Variants in NRG1 observed in about 807,000 individuals in gnomAD.
NRG1 encodes pro-neuregulin-1, membrane-bound isoform.
NRG1 carries 18 observed loss-of-function variants against 63.8 expected under a neutral mutation model. The ratio of observed to expected loss-of-function variants is 0.28; its 90% confidence interval spans 0.19 to 0.42. The LOEUF is 0.42. NRG1 is among the 10% of genes least tolerant of loss of function. NRG1 has a pLI of 1.00. For missense variants in NRG1, 762 were observed against 814.7 expected (o/e 0.94, Z 0.79); for synonymous variants, 302 against 301.3 (o/e 1.00, Z -0.02).
chr8:32,374,170 G>A (rs762826672), intron 1 of NRG1, among the ~76,000 whole-genome samples: 6 of 152,172 alleles, frequency 3.9e-5, no homozygotes, highest in South Asian at 2.1e-4. Context: ...GGAATTGAAC[G>A]GGCTTATTTC....
chr8:32,022,429 G>A (rs1273561816), intron 1 of NRG1, among the ~76,000 whole-genome samples: 1 of 152,062 alleles, frequency 6.6e-6, no homozygotes, highest in Non-Finnish European at 1.5e-5. Context: ...TATTTTACAT[G>A]AGCCACACAT....
intron 1 of NRG1, among the ~76,000 whole-genome samples, chr8:32,048,544 C>T (rs1409316110): frequency 2.0e-5 from 3 of 149,522 alleles, no homozygotes; most frequent in African/African-American, 4.9e-5. Context: ...GAAACCTTCA[C>T]GCTGTTTTCC....
At chr8:32,513,129 T>C (rs374657772) in intron 1 of NRG1, among the ~76,000 whole-genome samples, 1 of 152,184 alleles carries the variant, frequency 6.6e-6, no homozygotes, top group African/African-American at 2.4e-5. Context: ...CATAATAGTT[T>C]ATTTTAGGTA....
At chr8:31,908,598 A>G (rs1832707287) in intron 1 of NRG1, among the ~76,000 whole-genome samples, 2 of 152,208 alleles carry the variant, frequency 1.3e-5, no homozygotes, top group African/African-American at 4.8e-5. Flanking sequence ...TCCTTGCCAG[A>G]TTTTAAATGA....
At chr8:32,770,569 T>C (rs754782655), downstream of NRG1, among the ~76,000 whole-genome samples, 1 of 152,224 alleles carries the variant, frequency 6.6e-6, no homozygotes, top group Non-Finnish European at 1.5e-5. Flanking sequence ...AGAGTGATTC[T>C]AGAAGCCAAT....
intron 1 of NRG1, among the ~76,000 whole-genome samples, chr8:32,455,454 T>A (rs1821484659): frequency 6.6e-6 from 1 of 152,202 alleles, no homozygotes; most frequent in South Asian, 2.1e-4. Flanking sequence ...GATCCCTTGA[T>A]TTTCTGAGTT....
intron 5 of NRG1, among the ~76,000 whole-genome samples, chr8:32,727,728 A>G (rs1822567167): frequency 6.6e-6 from 1 of 152,200 alleles, no homozygotes; most frequent in South Asian, 2.1e-4. Context: ...ATTTAGTTAT[A>G]GTAAAATTAG....
chr8:32,735,775 A>C (rs10087939), intron 6 of NRG1, among the ~76,000 whole-genome samples: 21,605 of 152,218 alleles, frequency 0.14, 1,833 homozygotes, highest in East Asian at 0.36. Context: ...CAAGCTGTGC[A>C]AACAGAGATT....
chr8:32,596,589 G>A (rs1223538391), intron 2 of NRG1, among the ~76,000 whole-genome samples: 7 of 113,470 alleles, frequency 6.2e-5, no homozygotes, highest in Admixed American at 1.1e-4. Flanking sequence ...AACAGAGCGA[G>A]ACTCCATCTC....
chr8:31,644,598 T>G (rs1804114190), intron 1 of NRG1, among the ~76,000 whole-genome samples: 1 of 152,184 alleles, frequency 6.6e-6, no homozygotes, highest in Admixed American at 6.5e-5. Flanking sequence ...TTCCTCTGGC[T>G]TGTATATTTA....
At chr8:32,168,588 C>A (rs578163700) in intron 1 of NRG1, among the ~76,000 whole-genome samples, 2 of 152,264 alleles carry the variant, frequency 1.3e-5, no homozygotes, top group South Asian at 2.1e-4. Flanking sequence ...GACTGGGGGG[C>A]CTTCTACAAA....
chr8:32,650,655 C>CAAAAAAAA (rs59103241), intron 5 of NRG1, among the ~76,000 whole-genome samples: 2 of 57,818 alleles, frequency 3.5e-5, no homozygotes, highest in Non-Finnish European at 5.9e-5. Flanking sequence ...TAATGGAAAG[C>CAAAAAAAA]AAAAAAAAAA....
chr8:32,662,267 T>C (rs980683013), intron 5 of NRG1, among the ~76,000 whole-genome samples: 3 of 152,182 alleles, frequency 2.0e-5, no homozygotes, highest in Admixed American at 6.5e-5. Context: ...GTTAACCATA[T>C]GGCCATATGG....
chr8:31,656,285 T>C (rs534240489), intron 1 of NRG1, among the ~76,000 whole-genome samples: 15 of 152,258 alleles, frequency 9.9e-5, no homozygotes, highest in African/African-American at 3.1e-4. Flanking sequence ...TGCATCTGTG[T>C]CCCTCGAACA....
At chr8:32,169,437 A>G (rs1448230188) in intron 1 of NRG1, among the ~76,000 whole-genome samples, 1 of 152,232 alleles carries the variant, frequency 6.6e-6, no homozygotes, top group East Asian at 1.9e-4. Flanking sequence ...TTGAGAACAT[A>G]GTCCAGCTGA....
chr8:31,972,531 C>A (rs1170156600), intron 1 of NRG1, among the ~76,000 whole-genome samples: 1 of 152,184 alleles, frequency 6.6e-6, no homozygotes, highest in South Asian at 2.1e-4. Context: ...GTACTTCTAA[C>A]TTTGAGCCTT....
chr8:32,654,719 G>T (rs2129548151), intron 5 of NRG1, among the ~76,000 whole-genome samples: 1 of 103,172 alleles, frequency 9.7e-6, no homozygotes, highest in South Asian at 2.9e-4. Flanking sequence ...TATAATATAT[G>T]AGAAAATGTT....
chr8:31,668,951 A>G (rs1029342553), intron 1 of NRG1, among the ~76,000 whole-genome samples: 2 of 152,242 alleles, frequency 1.3e-5, no homozygotes, highest in East Asian at 1.9e-4. Flanking sequence ...TTGCTTATAC[A>G]TAATGAGATA....
chr8:32,502,178 A>T (rs980909097), intron 1 of NRG1, among the ~76,000 whole-genome samples: 7 of 152,026 alleles, frequency 4.6e-5, no homozygotes, highest in Non-Finnish European at 7.3e-5. Flanking sequence ...GAAGCCTCCA[A>T]TCATGGCAGA....
Sources: gnomAD v4.1 joint callset for allele counts (sites outside exome capture counted in the v4.1 genomes callset) on GRCh38, gnomAD v4.1.1 for gene constraint, MANE v1.5 for transcripts, NCBI Gene and HGNC (gene_info 2026-07-23, HGNC 2026-07-21) for gene names.